Variants in WDFY1 observed in about 807,000 individuals in gnomAD.
The protein encoded by WDFY1 is WD repeat and FYVE domain-containing protein 1.
Under a neutral mutation model 56.4 loss-of-function variants are expected in WDFY1, and 32 were observed. That is an observed-to-expected ratio of 0.57 (90% CI 0.43 to 0.76). The LOEUF is 0.76. WDFY1 is among the 30% of genes least tolerant of loss of function. WDFY1 has a pLI of 0.00. For synonymous variants in WDFY1, 192 were observed against 197.3 expected (o/e 0.97, Z 0.23); for missense variants, 480 against 545.7 (o/e 0.88, Z 1.20).
At chr2:223,944,423 T>C (rs958556357) in intron 1 of WDFY1, among the ~76,000 whole-genome samples, 24 of 152,156 alleles carry the variant, frequency 1.6e-4, no homozygotes, top group African/African-American at 5.6e-4. Flanking sequence ...GGTTCCCTGG[T>C]TGGAGGAGCG....
At chr2:223,933,961 C>CAAAAAAAAAAA in intron 1 of WDFY1, among the ~76,000 whole-genome samples, 1 of 51,016 alleles carries the variant, frequency 2.0e-5, no homozygotes, top group African/African-American at 7.7e-5. Context: ...GACCCTGCCT[C>CAAAAAAAAAAA]AAAAAAAAAA....
At chr2:223,910,633 C>T (rs1395249350) in intron 3 of WDFY1, among the ~76,000 whole-genome samples, 1 of 151,982 alleles carries the variant, frequency 6.6e-6, no homozygotes, top group African/African-American at 2.4e-5. Context: ...AAATGACCAA[C>T]AAGTACCTAA....
chr2:223,917,840 G>A (rs907999997), intron 2 of WDFY1, 103 bp downstream of exon 2: 104 of 1,374,706 alleles, frequency 7.6e-5, no homozygotes, highest in Middle Eastern at 1.8e-4. Flanking sequence ...TCAAAGTGCT[G>A]GGATTACAGG....
chr2:223,926,646 ATGTGCGTGTGTG>A (rs1282350479), intron 1 of WDFY1, among the ~76,000 whole-genome samples: 1 of 145,044 alleles, frequency 6.9e-6, no homozygotes, highest in Non-Finnish European at 1.5e-5. Flanking sequence ...ATATACAAAT[ATGTGCGTGTGTG>A]TGTGTGTGTG....
intron 1 of WDFY1, among the ~76,000 whole-genome samples, chr2:223,937,266 C>T (rs1412813022): frequency 2.0e-5 from 3 of 152,136 alleles, no homozygotes; most frequent in African/African-American, 4.8e-5. Context: ...CACTTATTCA[C>T]GTGCACACAC....
At chr2:223,894,149 T>A in intron 8 of WDFY1, 85 bp downstream of exon 8, 3 of 1,363,470 alleles carry the variant, frequency 2.2e-6, no homozygotes, top group Non-Finnish European at 3.1e-6. Context: ...GACCAGCATT[T>A]ACAGCTTGCG....
At chr2:223,934,730 A>T (rs1364521577) in intron 1 of WDFY1, among the ~76,000 whole-genome samples, 4 of 152,140 alleles carry the variant, frequency 2.6e-5, no homozygotes, top group Non-Finnish European at 5.9e-5. Flanking sequence ...CATGTTGGCC[A>T]GGCTGGTCTC....
Position 223,880,187 on chromosome 2 carries a change from G to A in WDFY1, c.1110C>T (p.Ser370=), listed in dbSNP as rs1693041360. Residue 370 remains serine (S), a synonymous_variant, in exon 11 of 12, where the codon TCC becomes TCT. Coordinates refer to ENST00000233055, the MANE Select transcript of WDFY1 (RefSeq NM_020830.5). ...ATFHEGKHNI[S]HMSMDIARGL... is the part of the protein sequence containing the mutation. Reference sequence around the variant, plus strand: ...CCCTGGCAATGTCCATGGACATGTGGGAAATGTTATGTTTTCCTTCATGAA... The same window carrying A: ...CCCTGGCAATGTCCATGGACATGTGAGAAATGTTATGTTTTCCTTCATGAA... The A allele has an allele frequency of 1.2e-6, 2 of 1,614,012 alleles. No individual in the cohort carries two copies. The highest frequency in any genetic ancestry group is 1.7e-6 in the Non-Finnish European group (2 of 1,180,010).
intron 3 of WDFY1, among the ~76,000 whole-genome samples, chr2:223,906,966 T>A (rs1220611024): frequency 6.6e-6 from 1 of 150,588 alleles, no homozygotes; most frequent in Admixed American, 6.6e-5. Context: ...ATTATTATTA[T>A]TATTATTATT....
chr2:223,929,513 CA>C (rs1168113714), intron 1 of WDFY1, among the ~76,000 whole-genome samples: 11 of 152,262 alleles, frequency 7.2e-5, no homozygotes, highest in African/African-American at 2.2e-4. Context: ...TGCAAGCTCA[CA>C]ACACTGAACT....
chr2:223,934,547 T>TCTCA (rs1694137236), intron 1 of WDFY1, among the ~76,000 whole-genome samples: 1 of 152,012 alleles, frequency 6.6e-6, no homozygotes. Context: ...TGAGACAGAG[T>TCTCA]CTCACTCTTG....
intron 8 of WDFY1, among the ~76,000 whole-genome samples, chr2:223,891,615 TAGAG>T (rs1425815356): frequency 2.0e-5 from 3 of 147,126 alleles, no homozygotes; most frequent in African/African-American, 5.4e-5. Flanking sequence ...TTTCCCTAGA[TAGAG>T]AAATACACTC....
chr2:223,917,873 A>C, intron 2 of WDFY1, 70 bp downstream of exon 2: 1 of 1,584,898 alleles, frequency 6.3e-7, no homozygotes, highest in Non-Finnish European at 8.6e-7. Context: ...TGCTCAGCCG[A>C]CATTTTGAAA....
At chr2:223,930,010 A>G (rs887750432) in intron 1 of WDFY1, among the ~76,000 whole-genome samples, 1 of 152,246 alleles carries the variant, frequency 6.6e-6, no homozygotes, top group Non-Finnish European at 1.5e-5. Flanking sequence ...ACAATAAGGA[A>G]ACAAGAAGCA....
At chr2:223,898,487 C>G (rs1022153754) in intron 6 of WDFY1, among the ~76,000 whole-genome samples, 12 of 152,020 alleles carry the variant, frequency 7.9e-5, no homozygotes, top group African/African-American at 2.7e-4. Flanking sequence ...GCAACCTCTG[C>G]CCCCCAGGTT....
intron 1 of WDFY1, among the ~76,000 whole-genome samples, chr2:223,925,036 C>T (rs1693954601): frequency 2.6e-5 from 4 of 151,908 alleles, no homozygotes. Context: ...AAAAAAGGAA[C>T]TACAAATTTA....
chr2:223,879,400 A>G (rs2106068473), intron 11 of WDFY1, among the ~76,000 whole-genome samples: 1 of 152,184 alleles, frequency 6.6e-6, no homozygotes, highest in African/African-American at 2.4e-5. Context: ...TCATGCCTAT[A>G]ATCCCAGTAC....
chr2:223,880,283 T>A, intron 10 of WDFY1, 51 bp from the exon 11 acceptor site: 1 of 1,545,456 alleles, frequency 6.5e-7, no homozygotes, highest in Non-Finnish European at 8.9e-7. Context: ...TACCTAGAGC[T>A]AGTGGGGTAA....
Position 223,901,221 on chromosome 2 carries a change from G to A in WDFY1, c.447C>T (p.Leu149=), listed in dbSNP as rs760475738. 1.2e-5 allele frequency: 20 copies of A among 1,613,932 alleles called. No individual in the cohort carries two copies. In the Admixed American group the frequency reaches 1.3e-4, roughly 11 times the overall value. Residue 149 remains leucine (L), a synonymous_variant, in exon 5 of 12, where the codon CTC becomes CTT. Coordinates refer to ENST00000233055, the MANE Select transcript of WDFY1 (RefSeq NM_020830.5). ...SWMCTRSGNM[L]GRHFFTSWAS... Reference sequence around the variant, plus strand: ...CCCAGGACGTGAAGAAGTGCCTCCCGAGCATGTTCCCGCTCCGCGTGCACA... The same window carrying A: ...CCCAGGACGTGAAGAAGTGCCTCCCAAGCATGTTCCCGCTCCGCGTGCACA...
Sources: gnomAD v4.1 joint callset for allele counts (sites outside exome capture counted in the v4.1 genomes callset) on GRCh38, gnomAD v4.1.1 for gene constraint, MANE v1.5 for transcripts, NCBI Gene and HGNC (gene_info 2026-07-23, HGNC 2026-07-21) for gene names.